Variants in TRIO observed in about 807,000 individuals in gnomAD.
The protein encoded by TRIO is triple functional domain protein.
A neutral mutation model predicts 351.9 loss-of-function variants in TRIO; 58 were observed. The ratio of observed to expected loss-of-function variants is 0.16; its 90% CI spans 0.13 to 0.21. TRIO has a LOEUF of 0.21. TRIO is among the 10% of genes least tolerant of loss of function. The pLI is 1.00. For missense variants in TRIO, 3,201 were observed against 4,027.8 expected (o/e 0.79, Z 5.56); for synonymous variants, 1,758 against 1,595.7 (o/e 1.10, Z -2.42).
At chr5:14,330,109 CAG>C (rs1740773296) in intron 9 of TRIO, among the ~76,000 whole-genome samples, 1 of 152,230 alleles carries the variant, frequency 6.6e-6, no homozygotes, top group South Asian at 2.1e-4. Flanking sequence ...ATGAACTACT[CAG>C]TTCCAACTAC....
chr5:14,491,029 G>A (rs1399779353), intron 48 of TRIO, among the ~76,000 whole-genome samples: 1 of 152,232 alleles, frequency 6.6e-6, no homozygotes, highest in Non-Finnish European at 1.5e-5. Flanking sequence ...AGAACAGGAA[G>A]CAGACTCCTC....
At chr5:14,375,994 C>A (rs905643194) in intron 19 of TRIO, among the ~76,000 whole-genome samples, 4 of 152,014 alleles carry the variant, frequency 2.6e-5, no homozygotes, top group Non-Finnish European at 5.9e-5. Context: ...TTATTGTCAT[C>A]AAAAATGATG....
intron 1 of TRIO, among the ~76,000 whole-genome samples, chr5:14,181,683 T>G (rs1237732568): frequency 1.3e-5 from 2 of 152,208 alleles, no homozygotes; most frequent in East Asian, 1.9e-4. Flanking sequence ...CTGAAAACGC[T>G]GGCTGCCCCC....
chr5:14,243,258 C>A (rs1221588407), intron 1 of TRIO, among the ~76,000 whole-genome samples: 1 of 152,114 alleles, frequency 6.6e-6, no homozygotes, highest in Admixed American at 6.5e-5. Flanking sequence ...CCCTCCCTCT[C>A]CATTCGTGTG....
At chr5:14,276,622 G>A (rs1390445283) in intron 2 of TRIO, among the ~76,000 whole-genome samples, 1 of 152,252 alleles carries the variant, frequency 6.6e-6, no homozygotes, top group African/African-American at 2.4e-5. Context: ...TTGGGAGTGG[G>A]AGGTTGGACA....
intron 1 of TRIO, among the ~76,000 whole-genome samples, chr5:14,222,129 C>A (rs1279764530): frequency 1.4e-5 from 2 of 141,784 alleles, no homozygotes; most frequent in Admixed American, 1.5e-4. Context: ...ATGATGTTAG[C>A]ACTTTTTCTT....
intron 1 of TRIO, among the ~76,000 whole-genome samples, chr5:14,199,620 G>A (rs1243952816): frequency 6.6e-6 from 1 of 152,216 alleles, no homozygotes; most frequent in African/African-American, 2.4e-5. Flanking sequence ...TGGGCCTGTG[G>A]CATTCTGCAT....
intron 29 of TRIO, 113 bp from the exon 30 acceptor site, chr5:14,398,767 A>AG: frequency 1.0e-6 from 1 of 998,566 alleles, no homozygotes; most frequent in Non-Finnish European, 1.5e-6. Flanking sequence ...ACTCTTATCT[A>AG]GGGTTGGCCG....
At chr5:14,402,551 C>A (rs533589316) in intron 31 of TRIO, among the ~76,000 whole-genome samples, 3 of 149,860 alleles carry the variant, frequency 2.0e-5, no homozygotes, top group African/African-American at 7.4e-5. Context: ...GTGGTGGAGA[C>A]GCTGTGGTGG....
In TRIO at chr5:14,254,317, G is replaced by A. The variant is rs977108962; in HGVS notation, c.158-16508G>A. ...CCCTGCCTCAACCTCCCAAGTAGCT[G>A]GGATTACAGGCGCCCGGCTAATTTT... On this transcript the variant is annotated intron_variant, in intron 1 of 56. Coordinates refer to ENST00000344204, the MANE Select transcript of TRIO (RefSeq NM_007118.4). 4.6e-5 allele frequency among the ~76,000 whole-genome samples: 7 copies of A among 152,174 alleles called. No individual in the cohort carries two copies. In the East Asian group the frequency reaches 1.2e-3, roughly 25 times the overall value.
chr5:14,187,114 G>T (rs1418793029), intron 1 of TRIO, among the ~76,000 whole-genome samples: 2 of 152,192 alleles, frequency 1.3e-5, no homozygotes, highest in African/African-American at 4.8e-5. Context: ...ACCAGAACCT[G>T]ATGCTAGTAT....
At chr5:14,151,779 G>A (rs1787854322) in intron 1 of TRIO, among the ~76,000 whole-genome samples, 1 of 152,184 alleles carries the variant, frequency 6.6e-6, no homozygotes, top group South Asian at 2.1e-4. Context: ...TGCCATTGAA[G>A]GATGCCACTG....
At chr5:14,467,505 G>A (rs115560379) in intron 37 of TRIO, among the ~76,000 whole-genome samples, 33 of 152,222 alleles carry the variant, frequency 2.2e-4, no homozygotes, top group African/African-American at 6.7e-4. Flanking sequence ...TCACGAATTC[G>A]GACTCCACTG....
At chr5:14,308,407 T>A in intron 8 of TRIO, among the ~76,000 whole-genome samples, 1 of 132,898 alleles carries the variant, frequency 7.5e-6, no homozygotes, top group African/African-American at 3.0e-5. Flanking sequence ...CACCCATCCA[T>A]CCATCCATCC....
intron 15 of TRIO, 108 bp downstream of exon 15, chr5:14,364,924 A>T: frequency 7.4e-7 from 1 of 1,357,462 alleles, no homozygotes; most frequent in Non-Finnish European, 9.8e-7. Context: ...GTGCCTGCTC[A>T]GAACACAGCT....
intron 1 of TRIO, among the ~76,000 whole-genome samples, chr5:14,161,765 C>T (rs1788473055): frequency 6.6e-6 from 1 of 152,206 alleles, no homozygotes; most frequent in African/African-American, 2.4e-5. Context: ...CTCACCCTGT[C>T]ACCCAGGCTA....
intron 29 of TRIO, among the ~76,000 whole-genome samples, chr5:14,398,490 G>A (rs1409732698): frequency 1.3e-5 from 2 of 152,136 alleles, no homozygotes; most frequent in Non-Finnish European, 2.9e-5. Flanking sequence ...CTGGGAAGTA[G>A]GTGGGGGCTT....
chr5:14,391,056 C>T, intron 27 of TRIO, 66 bp downstream of exon 27: 1 of 1,263,286 alleles, frequency 7.9e-7, no homozygotes, highest in South Asian at 1.4e-5. Context: ...CGGCATTACT[C>T]ATAACTTTCA....
intron 34 of TRIO, among the ~76,000 whole-genome samples, chr5:14,423,103 C>T (rs1750316613): frequency 6.6e-6 from 1 of 152,220 alleles, no homozygotes; most frequent in Non-Finnish European, 1.5e-5. Flanking sequence ...GCATCTTGGT[C>T]ATGAATTAAA....
Sources: allele counts gnomAD v4.1 joint callset (sites outside exome capture counted in the v4.1 genomes callset), GRCh38; gene constraint gnomAD v4.1.1; transcripts MANE v1.5; gene names NCBI Gene and HGNC (gene_info 2026-07-23, HGNC 2026-07-21).